The following CPED1 variants were observed in gnomAD, a reference collection of about 807,000 sequenced individuals.
The protein encoded by CPED1 is cadherin like and PC-esterase domain containing 1.
Under a neutral mutation model 128.2 loss-of-function variants are expected in CPED1, and 114 were observed. The observed-to-expected ratio is 0.89, with a 90% CI of 0.76 to 1.04. The LOEUF is 1.04. Ranked by LOEUF, CPED1 falls within the 50% of genes least tolerant of loss-of-function variation. The pLI, the probability that CPED1 is intolerant of heterozygous loss-of-function variation, is 0.00. For synonymous variants in CPED1, 462 were observed against 426.7 expected (o/e 1.08, Z -1.02); for missense variants, 1,211 against 1,207.1 (o/e 1.00, Z -0.05).
At position 121,015,637 on chromosome 7, in the gene CPED1, A is replaced by G. The variant is rs147902277; in HGVS notation, c.250-28A>G. The G allele has an allele frequency of 5.3e-4, 828 of 1,574,274 alleles. 3 individuals are homozygous for G. In the African/African-American group the frequency reaches 1.0e-2, roughly 19 times the overall value. On this transcript the variant is annotated intron_variant, in intron 2 of 22. Transcript: ENST00000310396. ...CAAGGGAAATGTACTACTTTTTTAT[A>G]TTGAATTTTTATGCCTTCTTTTCTT...
intron 7 of CPED1, among the ~76,000 whole-genome samples, chr7:121,112,763 G>A (rs918335049): frequency 1.3e-5 from 2 of 152,176 alleles, no homozygotes; most frequent in African/African-American, 2.4e-5. Context: ...CACTGGATGT[G>A]AGAAGCTGCA....
chr7:121,119,099 TTATG>T (rs1181719349), intron 7 of CPED1, among the ~76,000 whole-genome samples: 2 of 151,966 alleles, frequency 1.3e-5, no homozygotes. Context: ...TTCTGACTAA[TTATG>T]TATGACCAAT....
intron 16 of CPED1, among the ~76,000 whole-genome samples, chr7:121,216,272 CA>C (rs36009034): frequency 0.38 from 57,024 of 151,746 alleles, 11,088 homozygotes; most frequent in Middle Eastern, 0.5. Flanking sequence ...ATCTCTGGTC[CA>C]AAGTGTCTGC....
At chr7:121,222,619 CTTT>C (rs1241694476) in intron 16 of CPED1, among the ~76,000 whole-genome samples, 2 of 151,998 alleles carry the variant, frequency 1.3e-5, no homozygotes, top group East Asian at 3.9e-4. Flanking sequence ...TTTGTGTCCT[CTTT>C]TTATTTCATT....
At chr7:121,166,175 G>C (rs1332346122) in intron 16 of CPED1, among the ~76,000 whole-genome samples, 1 of 152,082 alleles carries the variant, frequency 6.6e-6, no homozygotes, top group Non-Finnish European at 1.5e-5. Flanking sequence ...CATTTTGTAT[G>C]TTATTCAATA....
intron 3 of CPED1, among the ~76,000 whole-genome samples, chr7:121,027,426 T>C (rs1333795296): frequency 6.6e-6 from 1 of 152,162 alleles, no homozygotes; most frequent in African/African-American, 2.4e-5. Context: ...CACAATTAAA[T>C]GTATATGCAA....
intron 18 of CPED1, among the ~76,000 whole-genome samples, chr7:121,263,991 C>T (rs1385922375): frequency 2.0e-5 from 3 of 151,962 alleles, no homozygotes; most frequent in Non-Finnish European, 2.9e-5. Flanking sequence ...AGGAATAGGG[C>T]CTTTGAAGAG....
intron 16 of CPED1, among the ~76,000 whole-genome samples, chr7:121,164,685 C>A (rs1160274663): frequency 3.9e-5 from 6 of 152,128 alleles, no homozygotes; most frequent in Admixed American, 1.3e-4. Context: ...ATAAAAAGCA[C>A]CTGCTTTTAT....
chr7:121,117,077 T>TTATATATATATATATATATATATAAATA (rs34007948), intron 7 of CPED1, among the ~76,000 whole-genome samples: 1 of 128,804 alleles, frequency 7.8e-6, no homozygotes, highest in South Asian at 2.4e-4. Flanking sequence ...TATATACACA[T>TTATATATATATATATATATATATAAATA]TATATATATA....
intron 18 of CPED1, among the ~76,000 whole-genome samples, chr7:121,247,510 A>G (rs12671290): frequency 0.42 from 63,826 of 152,056 alleles, 13,857 homozygotes; most frequent in Middle Eastern, 0.53. Flanking sequence ...AGATGGCAAC[A>G]CAGATGCTAA....
At chr7:121,113,374 C>G (rs956399678) in intron 7 of CPED1, among the ~76,000 whole-genome samples, 3 of 152,104 alleles carry the variant, frequency 2.0e-5, no homozygotes, top group African/African-American at 7.2e-5. Context: ...AGGCATGACT[C>G]AGAGTTGCAG....
rs765212439 is a variant in CPED1, at chr7:121,097,809, G to C, written c.727G>C (p.Gly243Arg). 2 of 1,613,730 alleles carry C rather than the reference G, an allele frequency of 1.2e-6. No individual in the cohort carries two copies. Among genetic ancestry groups the C allele is most frequent in the South Asian group, 2.2e-5 (2 of 91,086 alleles). ...KTVKPRVWKPGDWSREQLNET... is the reference protein window; with the variant it reads ...KTVKPRVWKPRDWSREQLNET... ...AGTGAAGCCACGTGTGTGGAAACCAGGGGACTGGAGTCGTGAACAGCTGTA... is the reference window on the plus strand; with the variant it reads ...AGTGAAGCCACGTGTGTGGAAACCACGGGACTGGAGTCGTGAACAGCTGTA... Residue 243 changes from glycine (G) to arginine (R), a missense_variant, in exon 6 of 23, where the codon GGG (glycine) becomes CGG (arginine). Physicochemically the swap from Gly to Arg is moderately radical, Grantham distance 125. Coordinates refer to ENST00000310396, the MANE Select transcript of CPED1 (RefSeq NM_024913.5).
At chr7:120,996,705 C>T (rs912752220) in intron 2 of CPED1, among the ~76,000 whole-genome samples, 2 of 152,116 alleles carry the variant, frequency 1.3e-5, no homozygotes, top group African/African-American at 4.8e-5. Context: ...TTTCTCTAGT[C>T]CTCCAAATTA....
intron 13 of CPED1, 93 bp from the exon 14 acceptor site, chr7:121,135,947 C>G (rs1795774244): frequency 3.1e-6 from 3 of 958,524 alleles, no homozygotes; most frequent in Non-Finnish European, 4.4e-6. Flanking sequence ...AAATGAAAAA[C>G]ATGTTTTATT....
chr7:121,005,504 C>T (rs573114130), intron 2 of CPED1, among the ~76,000 whole-genome samples: 6 of 86,224 alleles, frequency 7.0e-5, no homozygotes, highest in South Asian at 9.5e-4. Flanking sequence ...GGTCTGTCGG[C>T]GGGTGGGGGG....
At chr7:121,156,101 TACTA>T (rs990800258) in intron 16 of CPED1, among the ~76,000 whole-genome samples, 28 of 152,302 alleles carry the variant, frequency 1.8e-4, no homozygotes, top group African/African-American at 6.3e-4. Context: ...ATGTTCAACA[TACTA>T]ACCATCAGAG....
chr7:121,081,888 T>C (rs1794304275), intron 5 of CPED1, among the ~76,000 whole-genome samples: 1 of 152,214 alleles, frequency 6.6e-6, no homozygotes, highest in South Asian at 2.1e-4. Flanking sequence ...AGGCACTTTA[T>C]ACACTTCCTT....
At chr7:121,271,491 C>A in intron 22 of CPED1, 61 bp downstream of exon 22, 1 of 1,488,174 alleles carries the variant, frequency 6.7e-7, no homozygotes, top group Non-Finnish European at 9.3e-7. Flanking sequence ...TTTGTTGTAT[C>A]TTTAATTGTA....
At chr7:121,262,916 A>G (rs146701903) in intron 18 of CPED1, among the ~76,000 whole-genome samples, 4 of 152,228 alleles carry the variant, frequency 2.6e-5, no homozygotes, top group Non-Finnish European at 5.9e-5. Context: ...TCTTACAAAA[A>G]TTGCTTTTCC....
Sources: allele counts gnomAD v4.1 joint callset (sites outside exome capture counted in the v4.1 genomes callset), GRCh38; gene constraint gnomAD v4.1.1; transcripts MANE v1.5; gene names NCBI Gene and HGNC (gene_info 2026-07-23, HGNC 2026-07-21).